Variants in INVS observed in about 807,000 individuals in gnomAD.
INVS encodes the protein inversion of embryo turning homolog.
In INVS, 86 loss-of-function variants were observed where a neutral mutation model predicts 108.8. The observed-to-expected ratio is 0.79, with a 90% CI of 0.66 to 0.95. The LOEUF (loss-of-function observed/expected upper bound fraction) is 0.95. Ranked by LOEUF, INVS falls within the 40% of genes least tolerant of loss-of-function variation. The pLI is 0.00. For synonymous variants in INVS, 455 were observed against 473.5 expected, an observed-to-expected ratio of 0.96 and a Z score of 0.51; for missense variants, 1,169 against 1,297.4, an observed-to-expected ratio of 0.90 and a Z score of 1.52.
rs140426498 is a variant in INVS, at chr9:100,301,671, CA to C, written c.*998del. 1.7e-3 allele frequency among the ~76,000 whole-genome samples: 261 copies of C among 152,286 alleles called. 2 individuals are homozygous for C. The highest frequency in any genetic ancestry group is 6.0e-3 in the African/African-American group (249 of 41,550). On this transcript the variant is annotated 3_prime_UTR_variant, in exon 17 of 17. Coordinates refer to ENST00000262457, the MANE Select transcript of INVS (RefSeq NM_014425.5). ...TGAGAATATTGACAGTAGGCATAAA[CA>C]GTGATATATTTTACTCACAGGTATT... is the stretch of plus-strand genomic sequence containing the variant.
intron 3 of INVS, among the ~76,000 whole-genome samples, chr9:100,209,445 GA>G (rs1830767498): frequency 6.6e-6 from 1 of 152,098 alleles, no homozygotes; most frequent in African/African-American, 2.4e-5. Flanking sequence ...TGTTCTGGCT[GA>G]GACCTCTCTC....
At chr9:100,102,798 C>G (rs1288205516) in intron 1 of INVS, 1 of 152,218 alleles carries the variant, frequency 6.6e-6, no homozygotes, top group Non-Finnish European at 1.5e-5. Context: ...TATGAATAGC[C>G]ACTGCCCTCC....
chr9:100,146,405 C>T (rs931133501), intron 3 of INVS, among the ~76,000 whole-genome samples: 1 of 152,112 alleles, frequency 6.6e-6, no homozygotes, highest in Non-Finnish European at 1.5e-5. Context: ...CAAGAACAGG[C>T]CATTTTCATT....
In INVS at chr9:100,100,777, TAA is replaced by T. The variant is rs1826865837; in HGVS notation, c.-25+1362_-25+1363del. Among the ~76,000 whole-genome samples, 2 of 17,272 alleles carry T rather than the reference TAA, an allele frequency of 1.2e-4. 1 individual carries two copies. The highest frequency in any genetic ancestry group is 6.2e-4 in the African/African-American group (2 of 3,238). The allele number at this position is 17,272 out of a possible 152,430, so 11.3% of individuals were successfully genotyped here. The stretch of plus-strand genomic sequence containing the variant: ...ATAATATATATAATATATGTATATA[TAA>T]TATATATTATATATATAATATATGT... On this transcript the variant is annotated intron_variant, in intron 1 of 16. Coordinates refer to ENST00000262457, the MANE Select transcript of INVS (RefSeq NM_014425.5).
chr9:100,275,637 C>T (rs1335337304), intron 12 of INVS, among the ~76,000 whole-genome samples: 2 of 152,208 alleles, frequency 1.3e-5, no homozygotes, highest in Non-Finnish European at 2.9e-5. Flanking sequence ...CACAGCATGT[C>T]ACCTCGGTGT....
At chr9:100,111,040 C>A (rs1827323852) in intron 2 of INVS, among the ~76,000 whole-genome samples, 1 of 152,168 alleles carries the variant, frequency 6.6e-6, no homozygotes, top group African/African-American at 2.4e-5. Flanking sequence ...TATGTTCTTT[C>A]CATTGTTCCC....
chr9:100,125,680 GAT>G (rs1491358065), intron 2 of INVS, among the ~76,000 whole-genome samples: 1 of 119,088 alleles, frequency 8.4e-6, no homozygotes, highest in Middle Eastern at 3.8e-3. Flanking sequence ...AATCAACTGT[GAT>G]TTTTTTTTTT....
In INVS at chr9:100,300,619, A is replaced by C. The variant is rs774156869; in HGVS notation, c.3143A>C (p.Asn1048Thr). 1 of 1,614,056 alleles carries C rather than the reference A, an allele frequency of 6.2e-7. No homozygotes were observed. The highest frequency in any genetic ancestry group is 1.1e-5 in the South Asian group (1 of 91,076). The change falls in exon 17 of 17, where the codon AAC becomes ACC. Residue 1048 changes from asparagine (N) to threonine (T), a missense_variant. Physicochemically the swap from Asn to Thr is moderately conservative, Grantham distance 65. Transcript: ENST00000262457. ...CTTGAGAACAGTGGAAGATCAAAGA[A>C]CTTTTCTTATAACCTGCAATCAGCT... ...HLLENSGRSKNFSYNLQSATQ... is the reference protein window; with the variant it reads ...HLLENSGRSKTFSYNLQSATQ...
chr9:100,178,991 C>G (rs780572193), intron 3 of INVS, among the ~76,000 whole-genome samples: 2 of 152,178 alleles, frequency 1.3e-5, no homozygotes, highest in African/African-American at 4.8e-5. Flanking sequence ...ATTCAACATT[C>G]TTGAAGAAAA....
chr9:100,129,930 A>C (rs1828008700), intron 3 of INVS: 1 of 439,210 alleles, frequency 2.3e-6, no homozygotes, highest in Non-Finnish European at 4.2e-6. Context: ...CAGAGAAAGA[A>C]TGCAAGAATC....
chr9:100,114,425 A>T, intron 2 of INVS, among the ~76,000 whole-genome samples: 1 of 121,514 alleles, frequency 8.2e-6, no homozygotes, highest in East Asian at 2.3e-4. Flanking sequence ...TTTTTGAGAC[A>T]GAGTCTCACT....
intron 3 of INVS, among the ~76,000 whole-genome samples, chr9:100,206,287 TTTC>T (rs1173036080): frequency 6.6e-6 from 1 of 152,158 alleles, no homozygotes; most frequent in African/African-American, 2.4e-5. Flanking sequence ...TGATCACTGT[TTTC>T]TTCTTTATAC....
intron 3 of INVS, among the ~76,000 whole-genome samples, chr9:100,135,391 A>T (rs957603061): frequency 3.3e-5 from 5 of 152,168 alleles, no homozygotes; most frequent in African/African-American, 1.2e-4. Flanking sequence ...TTGTTAAAAC[A>T]TAGACGTCTG....
At position 100,200,702 on chromosome 9, in the gene INVS, T is replaced by C. The variant is rs80328104; in HGVS notation, c.274-25360T>C. On this transcript the variant is annotated intron_variant, in intron 3 of 16. Transcript: ENST00000262457. ...CTGATCAGCTTTTCAACTTTCCTTTTGTGGGTTTCTGCAGACATCTTGGAG... is the reference window on the plus strand; with the variant it reads ...CTGATCAGCTTTTCAACTTTCCTTTCGTGGGTTTCTGCAGACATCTTGGAG... Among the ~76,000 whole-genome samples, 924 of 152,346 alleles carry C rather than the reference T, an allele frequency of 6.1e-3. 4 individuals are homozygous for C. The highest frequency in any genetic ancestry group is 0.014 in the Middle Eastern group (4 of 294).
At position 100,185,806 on chromosome 9, in the gene INVS, T is replaced by G. The variant is rs1235312712; in HGVS notation, c.274-40256T>G. On this transcript the variant is annotated intron_variant, in intron 3 of 16. Transcript: ENST00000262457. ...CTTATAAGTGAGAACATACAGTATT[T>G]GATGTTCCATTCCTGAGTTGCTTCA... 2.0e-5 allele frequency among the ~76,000 whole-genome samples: 3 copies of G among 152,068 alleles called. No homozygotes were observed. In the East Asian group the frequency reaches 5.8e-4, roughly 29 times the overall value.
rs986902231 is a variant in INVS, at chr9:100,195,800, T to C, written c.274-30262T>C. Among the ~76,000 whole-genome samples, 9 of 152,342 alleles carry C rather than the reference T, an allele frequency of 5.9e-5. No individual in the cohort carries two copies. In the East Asian group the frequency reaches 1.7e-3, roughly 29 times the overall value. On this transcript the variant is annotated intron_variant, in intron 3 of 16. Transcript: ENST00000262457. ...ACCACACCTGGCCACATCAATTGATTTTAAAATGTGAAACCAACCTTGCAC... is the reference window on the plus strand; with the variant it reads ...ACCACACCTGGCCACATCAATTGATCTTAAAATGTGAAACCAACCTTGCAC...
intron 3 of INVS, chr9:100,175,873 G>A: frequency 1.6e-6 from 1 of 619,324 alleles, no homozygotes; most frequent in African/African-American, 1.8e-5. Context: ...GCTGTGGAGA[G>A]GAATCTCTGC....
intron 1 of INVS, among the ~76,000 whole-genome samples, chr9:100,100,973 T>TA (rs1491213006): frequency 3.2e-5 from 2 of 62,324 alleles, no homozygotes; most frequent in South Asian, 3.6e-4. Flanking sequence ...ATAATATATA[T>TA]TATATATATA....
intron 1 of INVS, among the ~76,000 whole-genome samples, chr9:100,103,099 C>T (rs551033136): frequency 2.2e-4 from 34 of 152,246 alleles, no homozygotes; most frequent in African/African-American, 7.2e-4. Context: ...GTGATCTGCC[C>T]GCCTTGCCCT....
Sources: allele counts gnomAD v4.1 joint callset (sites outside exome capture counted in the v4.1 genomes callset), GRCh38; gene constraint gnomAD v4.1.1; transcripts MANE v1.5; gene names NCBI Gene and HGNC (gene_info 2026-07-23, HGNC 2026-07-21).